Variants in JARID2 observed in about 807,000 individuals in gnomAD.
The protein encoded by JARID2 is protein Jumonji.
A neutral mutation model predicts 125.6 loss-of-function variants in JARID2; 21 were observed. The observed-to-expected ratio is 0.17, with a 90% CI of 0.12 to 0.24. The LOEUF is 0.24. JARID2 is among the 10% of genes least tolerant of loss of function. JARID2 has a pLI of 1.00. For synonymous variants in JARID2, 736 were observed against 661.6 expected (o/e 1.11, Z -1.73); for missense variants, 1,303 against 1,639.6 (o/e 0.79, Z 3.55).
chr6:15,479,850 G>A (rs756479173), intron 5 of JARID2, among the ~76,000 whole-genome samples: 6 of 152,140 alleles, frequency 3.9e-5, no homozygotes, highest in Non-Finnish European at 7.3e-5. Flanking sequence ...TTGGCCCAGG[G>A]CAAACCGGGT....
intron 17 of JARID2, among the ~76,000 whole-genome samples, chr6:15,517,596 A>C (rs1007622010): frequency 1.3e-5 from 2 of 152,216 alleles, no homozygotes; most frequent in African/African-American, 4.8e-5. Context: ...TGTCCCAGGC[A>C]CAGTGGGATG....
At position 15,296,001 on chromosome 6, in the gene JARID2, A is replaced by G. The variant is rs75121606; in HGVS notation, c.45+49417A>G. 2.1e-3 allele frequency among the ~76,000 whole-genome samples: 322 copies of G among 152,328 alleles called. 1 individual carries two copies. Among genetic ancestry groups the G allele is most frequent in the African/African-American group, 7.4e-3 (308 of 41,562 alleles). On this transcript the variant is annotated intron_variant, in intron 1 of 17. Transcript: ENST00000341776. ...AAACCATTTTATACCTCACGCAGAG[A>G]AAGACCAAGGACTACACCTGTCCAG...
intron 3 of JARID2, among the ~76,000 whole-genome samples, chr6:15,416,683 AGAGG>A (rs1766237997): frequency 1.7e-5 from 2 of 121,108 alleles, no homozygotes; most frequent in Admixed American, 1.9e-4. Flanking sequence ...CCGTGGAAAG[AGAGG>A]GAGAGGGAGA....
chr6:15,463,114 G>C (rs1269207026), intron 4 of JARID2, among the ~76,000 whole-genome samples: 1 of 151,936 alleles, frequency 6.6e-6, no homozygotes, highest in Non-Finnish European at 1.5e-5. Context: ...TGAATAATCG[G>C]GAGAGAAAAT....
At chr6:15,451,619 CA>C (rs1169081685) in intron 3 of JARID2, among the ~76,000 whole-genome samples, 1 of 152,114 alleles carries the variant, frequency 6.6e-6, no homozygotes, top group Non-Finnish European at 1.5e-5. Context: ...ATAAATACAG[CA>C]GGATAATGTA....
chr6:15,374,350 G>A (rs1051537905), intron 2 of JARID2, 98 bp downstream of exon 2: 1 of 1,320,940 alleles, frequency 7.6e-7, no homozygotes, highest in Non-Finnish European at 1.1e-6. Flanking sequence ...GTGCTTCCTG[G>A]TCTAGGCACC....
At chr6:15,363,080 G>T (rs1763856600) in intron 1 of JARID2, among the ~76,000 whole-genome samples, 1 of 152,154 alleles carries the variant, frequency 6.6e-6, no homozygotes, top group African/African-American at 2.4e-5. Flanking sequence ...CAAACTTGAA[G>T]GTGGTGGAGG....
intron 1 of JARID2, among the ~76,000 whole-genome samples, chr6:15,358,432 T>A (rs1763679686): frequency 6.6e-6 from 1 of 152,194 alleles, no homozygotes; most frequent in South Asian, 2.1e-4. Context: ...ACTAACACAC[T>A]GTTTTTGTGT....
At chr6:15,474,010 G>A (rs1372345093) in intron 5 of JARID2, among the ~76,000 whole-genome samples, 1 of 152,212 alleles carries the variant, frequency 6.6e-6, no homozygotes, top group African/African-American at 2.4e-5. Context: ...GAAGAACACT[G>A]AGCTCTCAGT....
intron 1 of JARID2, among the ~76,000 whole-genome samples, chr6:15,308,437 A>G (rs949147130): frequency 3.9e-5 from 6 of 152,184 alleles, no homozygotes; most frequent in African/African-American, 1.4e-4. Flanking sequence ...TCTAAGGATA[A>G]TGGCTTTTCA....
In JARID2 at chr6:15,364,083, T is replaced by A. The variant is rs560786083; in HGVS notation, c.46-10034T>A. 9.2e-5 allele frequency among the ~76,000 whole-genome samples: 14 copies of A among 152,330 alleles called. No individual in the cohort carries two copies. In the South Asian group the frequency reaches 2.7e-3, roughly 29 times the overall value. ...ATAACCAGTCTTGTGACAATATACG[T>A]ATACTTCTGTTTATTTCCTTGCTGG... On this transcript the variant is annotated intron_variant, in intron 1 of 17. Coordinates refer to ENST00000341776, the MANE Select transcript of JARID2 (RefSeq NM_004973.4).
intron 1 of JARID2, among the ~76,000 whole-genome samples, chr6:15,323,666 C>G (rs1187391131): frequency 6.6e-6 from 1 of 152,224 alleles, no homozygotes; most frequent in African/African-American, 2.4e-5. Flanking sequence ...TGGCTCACAC[C>G]TGTAATCCCT....
intron 3 of JARID2, among the ~76,000 whole-genome samples, chr6:15,433,410 CTG>C (rs57296791): frequency 0.046 from 6,630 of 143,408 alleles, 193 homozygotes; most frequent in African/African-American, 0.095. Flanking sequence ...CCATGTCTCT[CTG>C]TGTGTGTGTG....
At chr6:15,291,697 ATGT>A (rs1761221764) in intron 1 of JARID2, among the ~76,000 whole-genome samples, 1 of 152,206 alleles carries the variant, frequency 6.6e-6, no homozygotes, top group African/African-American at 2.4e-5. Context: ...ATATTCTAAA[ATGT>A]TGTTTTCTCT....
At chr6:15,476,640 G>T (rs186312727) in intron 5 of JARID2, among the ~76,000 whole-genome samples, 215 of 152,254 alleles carry the variant, frequency 1.4e-3, no homozygotes, top group Non-Finnish European at 2.6e-3. Flanking sequence ...TTTTAACCTT[G>T]GGTTAGCACT....
intron 1 of JARID2, among the ~76,000 whole-genome samples, chr6:15,302,503 G>T (rs1761667633): frequency 6.6e-6 from 1 of 152,014 alleles, no homozygotes; most frequent in Non-Finnish European, 1.5e-5. Flanking sequence ...TGATAATCAG[G>T]AAGATTTATT....
chr6:15,458,388 G>A (rs1452612910), intron 4 of JARID2, among the ~76,000 whole-genome samples: 3 of 152,142 alleles, frequency 2.0e-5, no homozygotes, highest in African/African-American at 7.2e-5. Context: ...TCAGCGTCAC[G>A]GCTCGGCACA....
At chr6:15,431,218 C>G (rs775668550) in intron 3 of JARID2, among the ~76,000 whole-genome samples, 4 of 152,162 alleles carry the variant, frequency 2.6e-5, no homozygotes, top group South Asian at 4.1e-4. Flanking sequence ...CCTTACAGAT[C>G]ATGTGAATGT....
In JARID2 at chr6:15,424,428, TAGG is replaced by T. The variant is rs145943489; in HGVS notation, c.323+14066_323+14068del. Among the ~76,000 whole-genome samples the T allele has an allele frequency of 7.2e-3, 1,097 of 152,268 alleles. 13 individuals carry two copies. Among genetic ancestry groups the T allele is most frequent in the African/African-American group, 0.025 (1,041 of 41,538 alleles). On this transcript the variant is annotated intron_variant, in intron 3 of 17. Transcript: ENST00000341776. Reference sequence around the variant, plus strand: ...TATAATTAACCCTTTGATTAGAAATTAGGAGAAAAGAGCAAAATTTATGATTAT... The same window carrying T: ...TATAATTAACCCTTTGATTAGAAATTAGAAAAGAGCAAAATTTATGATTAT...
Sources: allele counts gnomAD v4.1 joint callset (sites outside exome capture counted in the v4.1 genomes callset), GRCh38; gene constraint gnomAD v4.1.1; transcripts MANE v1.5; gene names NCBI Gene and HGNC (gene_info 2026-07-23, HGNC 2026-07-21).